MCC: variants seen among roughly 807,000 people sequenced by gnomAD.
MCC encodes the protein colorectal mutant cancer protein.
MCC carries 90 observed loss-of-function variants against 116.2 expected under a neutral mutation model. The ratio of observed to expected loss-of-function variants is 0.77; its 90% CI spans 0.65 to 0.92. The LOEUF (loss-of-function observed/expected upper bound fraction) is 0.92. Ranked by LOEUF, MCC falls within the 40% of genes least tolerant of loss-of-function variation. The pLI is 0.00. For missense variants in MCC, 1,516 were observed against 1,312.2 expected, an observed-to-expected ratio of 1.16 and a Z score of -2.40; for synonymous variants, 578 against 510.5, an observed-to-expected ratio of 1.13 and a Z score of -1.78.
At chr5:113,121,422 C>T (rs1424622451) in intron 6 of MCC, among the ~76,000 whole-genome samples, 1 of 152,190 alleles carries the variant, frequency 6.6e-6, no homozygotes, top group Non-Finnish European at 1.5e-5. Flanking sequence ...CCCCCTCTCA[C>T]ACCTCTGTGT....
intron 3 of MCC, among the ~76,000 whole-genome samples, chr5:113,157,491 C>G (rs1164228674): frequency 6.6e-6 from 1 of 152,218 alleles, no homozygotes; most frequent in African/African-American, 2.4e-5. Flanking sequence ...TTCATCCCCA[C>G]AGGCCCTATC....
At chr5:113,082,790 T>G in intron 11 of MCC, 70 bp downstream of exon 11, 1 of 1,568,994 alleles carries the variant, frequency 6.4e-7, no homozygotes, top group Non-Finnish European at 8.7e-7. Context: ...TGAACAGATC[T>G]TTGGAAAGAG....
chr5:113,288,854 C>T (rs1766364804), intron 3 of MCC, among the ~76,000 whole-genome samples: 1 of 152,088 alleles, frequency 6.6e-6, no homozygotes, highest in African/African-American at 2.4e-5. Flanking sequence ...CTTCTTATGC[C>T]ATAATTTCTA....
At chr5:113,033,617 C>T (rs556453250) in intron 17 of MCC, among the ~76,000 whole-genome samples, 24 of 152,264 alleles carry the variant, frequency 1.6e-4, no homozygotes, top group Admixed American at 1.0e-3. Context: ...CAACACTACA[C>T]GTTCCATATG....
intron 16 of MCC, among the ~76,000 whole-genome samples, chr5:113,046,233 C>T (rs1752062439): frequency 6.6e-6 from 1 of 151,882 alleles, no homozygotes; most frequent in Admixed American, 6.6e-5. Context: ...GACTCTGTCG[C>T]CCAGGCTGTG....
At chr5:113,262,442 C>G (rs1765252170) in intron 3 of MCC, among the ~76,000 whole-genome samples, 1 of 152,052 alleles carries the variant, frequency 6.6e-6, no homozygotes, top group Non-Finnish European at 1.5e-5. Context: ...AGGGCTGGGC[C>G]CACCTTTTAT....
intron 3 of MCC, among the ~76,000 whole-genome samples, chr5:113,315,356 G>C (rs139440341): frequency 2.0e-5 from 3 of 152,056 alleles, no homozygotes; most frequent in Non-Finnish European, 2.9e-5. Context: ...ATATAGTTAT[G>C]TATCTAGTGG....
At chr5:113,246,738 T>C (rs76425108) in intron 3 of MCC, among the ~76,000 whole-genome samples, 2,027 of 152,326 alleles carry the variant, frequency 0.013, 49 homozygotes, top group African/African-American at 0.047. Context: ...CTTTTTATTG[T>C]CTTCCTGAAG....
intron 1 of MCC, among the ~76,000 whole-genome samples, chr5:113,395,612 T>C (rs546611570): frequency 6.6e-6 from 1 of 152,300 alleles, no homozygotes; most frequent in Admixed American, 6.5e-5. Flanking sequence ...ACCCTCCCTC[T>C]TTCCCCCCAG....
At chr5:113,291,697 G>A (rs549053139) in intron 3 of MCC, among the ~76,000 whole-genome samples, 3 of 152,294 alleles carry the variant, frequency 2.0e-5, no homozygotes, top group South Asian at 2.1e-4. Flanking sequence ...AGGTGAGGAG[G>A]AGGACTCAAC....
At chr5:113,276,459 C>T (rs1765828608) in intron 3 of MCC, among the ~76,000 whole-genome samples, 1 of 151,994 alleles carries the variant, frequency 6.6e-6, no homozygotes, top group African/African-American at 2.4e-5. Context: ...ACACTATTTT[C>T]CCTCTCTCCT....
intron 3 of MCC, among the ~76,000 whole-genome samples, chr5:113,168,196 C>T (rs915748146): frequency 5.9e-5 from 9 of 152,104 alleles, no homozygotes; most frequent in African/African-American, 2.2e-4. Context: ...CACAACAAGC[C>T]TATTTGGAGC....
intron 1 of MCC, among the ~76,000 whole-genome samples, chr5:113,420,102 A>C (rs1392380735): frequency 6.6e-6 from 1 of 151,018 alleles, no homozygotes; most frequent in Non-Finnish European, 1.5e-5. Context: ...TCTCAATTGA[A>C]ATAAAAAAAG....
intron 1 of MCC, among the ~76,000 whole-genome samples, chr5:113,427,750 G>A (rs1770522419): frequency 6.6e-6 from 1 of 152,092 alleles, no homozygotes; most frequent in African/African-American, 2.4e-5. Context: ...TAAGAATTTA[G>A]TACTCAGTAA....
intron 3 of MCC, among the ~76,000 whole-genome samples, chr5:113,297,146 G>C (rs576346817): frequency 5.3e-5 from 8 of 152,216 alleles, no homozygotes; most frequent in Non-Finnish European, 1.0e-4. Context: ...TAGGTTGAAA[G>C]TGGGAAATGA....
At chr5:113,146,823 TC>T (rs1347554077) in intron 4 of MCC, among the ~76,000 whole-genome samples, 11 of 152,218 alleles carry the variant, frequency 7.2e-5, no homozygotes, top group African/African-American at 2.7e-4. Flanking sequence ...TGCTTTTTTT[TC>T]TGTCATTACA....
intron 3 of MCC, among the ~76,000 whole-genome samples, chr5:113,194,302 C>T (rs149770881): frequency 1.4e-3 from 219 of 152,202 alleles, no homozygotes; most frequent in African/African-American, 5.1e-3. Context: ...TCTTGAGAAA[C>T]GTCTGTTGAA....
intron 8 of MCC, among the ~76,000 whole-genome samples, chr5:113,094,418 T>A (rs1018601438): frequency 1.3e-5 from 2 of 148,744 alleles, no homozygotes; most frequent in African/African-American, 5.1e-5. Context: ...ATTTTGGCAA[T>A]CTTCCTTTTT....
intron 5 of MCC, among the ~76,000 whole-genome samples, chr5:113,127,334 T>C (rs931654745): frequency 8.5e-5 from 13 of 152,230 alleles, no homozygotes; most frequent in African/African-American, 2.9e-4. Flanking sequence ...GTCTTTATAG[T>C]AGAATGCTTT....
Sources: gnomAD v4.1 joint callset for allele counts (sites outside exome capture counted in the v4.1 genomes callset) on GRCh38, gnomAD v4.1.1 for gene constraint, MANE v1.5 for transcripts, NCBI Gene and HGNC (gene_info 2026-07-23, HGNC 2026-07-21) for gene names.